CDH18: variants seen among roughly 807,000 people sequenced by gnomAD.
The protein encoded by CDH18 is cadherin 18.
CDH18 carries 31 observed loss-of-function variants against 67.9 expected under a neutral mutation model. The ratio of observed to expected loss-of-function variants is 0.46; its 90% CI spans 0.34 to 0.62. CDH18 has a LOEUF of 0.62. Among genes scored for constraint, CDH18 ranks in the 20% least tolerant of loss-of-function variants. The probability of loss-of-function intolerance (pLI) is 0.01; values close to 1 mark genes in which losing one functional copy is unlikely to be tolerated. For missense variants in CDH18, 890 were observed against 975.5 expected, an observed-to-expected ratio of 0.91 and a Z score of 1.17; for synonymous variants, 362 against 347.2, an observed-to-expected ratio of 1.04 and a Z score of -0.48.
intron 2 of CDH18, among the ~76,000 whole-genome samples, chr5:20,142,949 G>A (rs1750361131): frequency 6.6e-6 from 1 of 152,308 alleles, no homozygotes; most frequent in African/African-American, 2.4e-5. Context: ...AAACTGAGAA[G>A]CAGAGTGCAG....
In CDH18 at chr5:20,330,516, G is replaced by A. The variant is rs999794594; in HGVS notation, c.-579-75011C>T. Among the ~76,000 whole-genome samples the A allele has an allele frequency of 5.9e-5, 9 of 152,312 alleles. 1 individual carries two copies. Among genetic ancestry groups the A allele is most frequent in the African/African-American group, 2.2e-4 (9 of 41,576 alleles). On this transcript the variant is annotated intron_variant, in intron 1 of 14. Coordinates refer to the CDH18 transcript ENST00000507958. Reference sequence around the variant, plus strand: ...GCAGCTTCCCAATAAGATCTCTGGAGTTAGGCGAGTGGGCTCATGCATGCA... The same window carrying A: ...GCAGCTTCCCAATAAGATCTCTGGAATTAGGCGAGTGGGCTCATGCATGCA...
intron 5 of CDH18, among the ~76,000 whole-genome samples, chr5:19,645,477 T>A (rs1021753828): frequency 6.6e-6 from 1 of 152,286 alleles, no homozygotes; most frequent in South Asian, 2.1e-4. Flanking sequence ...ACGGATAGTC[T>A]GTAGGCTCTG....
chr5:20,324,278 G>A (rs376405681), intron 1 of CDH18, among the ~76,000 whole-genome samples: 4 of 152,030 alleles, frequency 2.6e-5, no homozygotes, highest in African/African-American at 7.2e-5. Context: ...GGTGGCTCAC[G>A]CCTATAATCC....
intron 2 of CDH18, among the ~76,000 whole-genome samples, chr5:19,900,673 A>T (rs1340566999): frequency 6.6e-6 from 1 of 152,200 alleles, no homozygotes; most frequent in Admixed American, 6.5e-5. Context: ...TTACATACAC[A>T]TAATTTTTAA....
chr5:19,514,883 G>C (rs1213898673), intron 10 of CDH18, among the ~76,000 whole-genome samples: 1 of 152,112 alleles, frequency 6.6e-6, no homozygotes, highest in Non-Finnish European at 1.5e-5. Flanking sequence ...GGCTTTTGTT[G>C]CCATTGCTTT....
chr5:20,322,161 A>G (rs975838547), intron 1 of CDH18, among the ~76,000 whole-genome samples: 4 of 152,114 alleles, frequency 2.6e-5, no homozygotes, highest in Non-Finnish European at 4.4e-5. Flanking sequence ...CTAAATATTC[A>G]GGTGTTAAGA....
chr5:20,280,838 T>C lies in CDH18; in HGVS notation c.-579-25333A>G, dbSNP rs559515536. 7.6e-3 allele frequency among the ~76,000 whole-genome samples: 1,161 copies of C among 152,302 alleles called. 15 individuals are homozygous for C. Among genetic ancestry groups the C allele is most frequent in the African/African-American group, 0.026 (1,096 of 41,562 alleles). On this transcript the variant is annotated intron_variant, in intron 1 of 14. Transcript: ENST00000507958. ...CAGTCCCACCAACAGTGTAAAAGTG[T>C]TCCTATTTCTCCACATCCTCTCCAG...
intron 2 of CDH18, among the ~76,000 whole-genome samples, chr5:20,093,107 C>G (rs1165274258): frequency 6.6e-6 from 1 of 152,022 alleles, no homozygotes; most frequent in Non-Finnish European, 1.5e-5. Flanking sequence ...AATGCTGGCA[C>G]ACACCTGCAT....
At chr5:20,036,762 G>C (rs1314688465) in intron 2 of CDH18, among the ~76,000 whole-genome samples, 2 of 152,026 alleles carry the variant, frequency 1.3e-5, no homozygotes, top group African/African-American at 4.8e-5. Context: ...CTCTTTGTAG[G>C]TCTATAAGAA....
At chr5:20,087,418 A>G (rs1745057121) in intron 2 of CDH18, among the ~76,000 whole-genome samples, 1 of 152,174 alleles carries the variant, frequency 6.6e-6, no homozygotes, top group Non-Finnish European at 1.5e-5. Context: ...TTTAGAAAGA[A>G]GTTTCACTGT....
chr5:19,942,132 G>T (rs953206530), intron 2 of CDH18, among the ~76,000 whole-genome samples: 1 of 152,062 alleles, frequency 6.6e-6, no homozygotes, highest in Admixed American at 6.6e-5. Context: ...ATTAAACCAG[G>T]GATCAAGATT....
At chr5:19,524,906 C>T (rs900358087) in intron 9 of CDH18, among the ~76,000 whole-genome samples, 17 of 152,174 alleles carry the variant, frequency 1.1e-4, no homozygotes, top group Non-Finnish European at 2.4e-4. Flanking sequence ...CCACCACGCC[C>T]GGCTAATTTA....
chr5:20,341,971 GA>G (rs1486901694), intron 1 of CDH18, among the ~76,000 whole-genome samples: 1 of 152,110 alleles, frequency 6.6e-6, no homozygotes, highest in Non-Finnish European at 1.5e-5. Context: ...ACAAAGTGAT[GA>G]ATGAAAATGA....
rs183133421 is a variant in CDH18 at position 19,680,060 on chromosome 5, C to A, written c.643+41287G>T. The stretch of plus-strand genomic sequence containing the variant: ...AACTATACTAAAAGGATAAAGTAAC[C>A]AAAACTGTATGGTAATGTTACAAAA... On this transcript the variant is annotated intron_variant, in intron 5 of 12. Coordinates refer to ENST00000382275, the MANE Select transcript of CDH18 (RefSeq NM_004934.5). Among the ~76,000 whole-genome samples, 681 of 151,942 alleles carry A rather than the reference C, an allele frequency of 4.5e-3. 6 individuals carry two copies. The highest frequency in any genetic ancestry group is 0.016 in the African/African-American group (645 of 41,480).
intron 1 of CDH18, among the ~76,000 whole-genome samples, chr5:20,484,526 C>G (rs1489073416): frequency 6.6e-6 from 1 of 151,970 alleles, no homozygotes; most frequent in East Asian, 1.9e-4. Flanking sequence ...TTGAAGGCAG[C>G]CTATGTGTCC....
intron 2 of CDH18, among the ~76,000 whole-genome samples, chr5:20,073,792 T>G (rs1743694005): frequency 6.6e-6 from 1 of 151,938 alleles, no homozygotes; most frequent in African/African-American, 2.4e-5. Context: ...GAAAATACTG[T>G]GAGAAAGAAA....
Position 19,591,129 on chromosome 5 carries a change from A to G in CDH18, c.927T>C (p.Asn309=). ...SNADMTYSII[N]GDGMGIFSIS... Reference sequence around the variant, plus strand: ...TTGAGAATATTCCCATGCCATCACCATTTATGATGGAGTAGGTCATGTCAG... The same window carrying G: ...TTGAGAATATTCCCATGCCATCACCGTTTATGATGGAGTAGGTCATGTCAG... The change falls in exon 7 of 13, where the codon AAT becomes AAC. Residue 309 remains asparagine, a synonymous_variant. Transcript: ENST00000382275. 6.2e-7 allele frequency: 1 copy of G among 1,611,992 alleles called. No individual in the cohort carries two copies. Among genetic ancestry groups the G allele is most frequent in the Non-Finnish European group, 8.5e-7 (1 of 1,178,572 alleles).
At chr5:19,837,764 T>A (rs1261075259) in intron 3 of CDH18, among the ~76,000 whole-genome samples, 2 of 150,912 alleles carry the variant, frequency 1.3e-5, no homozygotes, top group Non-Finnish European at 2.9e-5. Flanking sequence ...GAATACTATT[T>A]TTTTTAGTAC....
chr5:20,064,016 T>C (rs1378955873), intron 2 of CDH18, among the ~76,000 whole-genome samples: 8 of 152,210 alleles, frequency 5.3e-5, no homozygotes, highest in Non-Finnish European at 4.4e-5. Context: ...ATATGATTTA[T>C]TTGTGTTGTT....
Sources: allele counts gnomAD v4.1 joint callset (sites outside exome capture counted in the v4.1 genomes callset), GRCh38; gene constraint gnomAD v4.1.1; transcripts MANE v1.5; gene names NCBI Gene and HGNC (gene_info 2026-07-23, HGNC 2026-07-21).